ZBBX: variants seen among roughly 807,000 people sequenced by gnomAD.
The protein encoded by ZBBX is zinc finger B-box domain containing.
A neutral mutation model predicts 108.5 loss-of-function variants in ZBBX; 101 were observed. That is an observed-to-expected ratio of 0.93 (90% confidence interval 0.79 to 1.10). The LOEUF (loss-of-function observed/expected upper bound fraction) is 1.10. Among genes scored for constraint, ZBBX ranks in the 50% least tolerant of loss-of-function variants. ZBBX has a pLI of 0.00. For missense variants in ZBBX, 1,009 were observed against 941.4 expected (o/e 1.07, Z -0.94); for synonymous variants, 356 against 323.4 (o/e 1.10, Z -1.08).
At chr3:167,387,778 T>A (rs1162959216) in intron 1 of ZBBX, among the ~76,000 whole-genome samples, 3 of 151,958 alleles carry the variant, frequency 2.0e-5, no homozygotes, top group African/African-American at 7.2e-5. Context: ...TGAAAGGAGC[T>A]ATTAGTTATC....
At chr3:167,275,290 T>C (rs1252462924) in intron 20 of ZBBX, among the ~76,000 whole-genome samples, 1 of 152,192 alleles carries the variant, frequency 6.6e-6, no homozygotes, top group Non-Finnish European at 1.5e-5. Flanking sequence ...GATGGCCGAA[T>C]AGGAACAGCT....
chr3:167,286,969 C>T (rs1729819395), intron 19 of ZBBX, among the ~76,000 whole-genome samples: 1 of 152,054 alleles, frequency 6.6e-6, no homozygotes, highest in Non-Finnish European at 1.5e-5. Context: ...AGACCATTGT[C>T]TCTGTTCAGA....
chr3:167,263,932 C>A (rs1170251689), intron 20 of ZBBX, among the ~76,000 whole-genome samples: 1 of 152,188 alleles, frequency 6.6e-6, no homozygotes, highest in East Asian at 1.9e-4. Context: ...CACCATTATA[C>A]CCTCTTGCTG....
At chr3:167,196,198 C>G in the ZBBX span, among the ~76,000 whole-genome samples, 2 of 152,160 alleles carry the variant, frequency 1.3e-5, no homozygotes, top group African/African-American at 4.8e-5. Flanking sequence ...ATCAAGAGAA[C>G]AGCCCTTTAG....
chr3:167,350,325 AT>A, intron 9 of ZBBX, 94 bp downstream of exon 9: 3 of 900,228 alleles, frequency 3.3e-6, no homozygotes, highest in Non-Finnish European at 5.0e-6. Context: ...AGCGTAAATC[AT>A]CCTGAGTTCT....
intron 13 of ZBBX, 29 bp from the exon 14 acceptor site, chr3:167,317,134 A>G (rs1157557795): frequency 6.6e-6 from 9 of 1,356,842 alleles, no homozygotes; most frequent in Non-Finnish European, 9.4e-6. Flanking sequence ...AAATAATATC[A>G]TCAAAGAATA....
the ZBBX span, among the ~76,000 whole-genome samples, chr3:167,191,617 C>T: frequency 6.0e-3 from 908 of 152,118 alleles, 10 homozygotes; most frequent in African/African-American, 0.021. Context: ...ATGTGACTTG[C>T]TCTTCCTTGG....
At chr3:167,390,044 C>T (rs192842265) in intron 1 of ZBBX, among the ~76,000 whole-genome samples, 13 of 152,140 alleles carry the variant, frequency 8.5e-5, no homozygotes, top group Admixed American at 7.2e-4. Flanking sequence ...TTGCCCATGC[C>T]TATGTCGTGA....
intron 18 of ZBBX, among the ~76,000 whole-genome samples, chr3:167,289,968 G>C (rs1316703056): frequency 6.6e-6 from 1 of 152,252 alleles, no homozygotes; most frequent in Non-Finnish European, 1.5e-5. Flanking sequence ...CAAAGCTGCT[G>C]GGAAGTTCAA....
At chr3:167,295,795 A>C (rs1731604825) in intron 18 of ZBBX, among the ~76,000 whole-genome samples, 1 of 141,996 alleles carries the variant, frequency 7.0e-6, no homozygotes, top group African/African-American at 2.6e-5. Context: ...CTGTTAACAA[A>C]AATTTGCCAA....
intron 5 of ZBBX, 31 bp from the exon 6 acceptor site, chr3:167,366,007 A>G: frequency 1.4e-6 from 2 of 1,471,866 alleles, no homozygotes; most frequent in Middle Eastern, 1.8e-4. Flanking sequence ...ATAAAATGTA[A>G]TCACTAAACA....
At chr3:167,330,305 G>T (rs1738213156) in intron 10 of ZBBX, among the ~76,000 whole-genome samples, 1 of 152,148 alleles carries the variant, frequency 6.6e-6, no homozygotes, top group Non-Finnish European at 1.5e-5. Context: ...TCCTAGAAGA[G>T]AATGAAATGC....
At chr3:167,241,629 T>C (rs1015617347) in intron 21 of ZBBX, among the ~76,000 whole-genome samples, 3 of 152,152 alleles carry the variant, frequency 2.0e-5, no homozygotes, top group Admixed American at 2.0e-4. Context: ...GCCTGAGTAG[T>C]CCCAGCTGTT....
At chr3:167,309,871 T>A (rs1189376326) in intron 16 of ZBBX, among the ~76,000 whole-genome samples, 1 of 152,228 alleles carries the variant, frequency 6.6e-6, no homozygotes, top group Non-Finnish European at 1.5e-5. Flanking sequence ...CCCCAAAGAA[T>A]GGGTGTTTCT....
intron 20 of ZBBX, among the ~76,000 whole-genome samples, chr3:167,257,004 G>A (rs756481375): frequency 6.6e-6 from 1 of 152,106 alleles, no homozygotes; most frequent in Non-Finnish European, 1.5e-5. Context: ...TGGGATTAAT[G>A]GGTCGTATTG....
chr3:167,395,844 C>A (rs981522432), intron 1 of ZBBX, among the ~76,000 whole-genome samples: 8 of 151,906 alleles, frequency 5.3e-5, no homozygotes, highest in African/African-American at 1.9e-4. Flanking sequence ...AGCCATGTAG[C>A]CTACTTTGGT....
At chr3:167,275,438 G>A (rs1029093058) in intron 20 of ZBBX, among the ~76,000 whole-genome samples, 26 of 152,090 alleles carry the variant, frequency 1.7e-4, no homozygotes, top group Non-Finnish European at 2.9e-4. Context: ...TGCGCGAGCC[G>A]AAGCAGGGCG....
intron 1 of ZBBX, among the ~76,000 whole-genome samples, chr3:167,394,030 C>T (rs1748157560): frequency 6.6e-6 from 1 of 151,866 alleles, no homozygotes; most frequent in Non-Finnish European, 1.5e-5. Flanking sequence ...TCCAGATTTT[C>T]CATACATACC....
chr3:167,183,503 C>A, the ZBBX span, among the ~76,000 whole-genome samples: 1 of 152,182 alleles, frequency 6.6e-6, no homozygotes, highest in Non-Finnish European at 1.5e-5. Flanking sequence ...ATATAGAGTG[C>A]GGAGTGGGAA....
Sources: gnomAD v4.1 joint callset for allele counts (sites outside exome capture counted in the v4.1 genomes callset) on GRCh38, gnomAD v4.1.1 for gene constraint, MANE v1.5 for transcripts, NCBI Gene and HGNC (gene_info 2026-07-23, HGNC 2026-07-21) for gene names.